Variants in ARHGAP31 observed in about 807,000 individuals in gnomAD.
ARHGAP31 encodes rho GTPase-activating protein 31.
In ARHGAP31, 34 loss-of-function variants were observed where a neutral mutation model predicts 113.9. That is an observed-to-expected ratio of 0.30 (90% confidence interval 0.23 to 0.40). ARHGAP31 has a LOEUF of 0.40. ARHGAP31 is among the 10% of genes least tolerant of loss of function. The probability of loss-of-function intolerance (pLI) is 1.00; values close to 1 mark genes in which losing one functional copy is unlikely to be tolerated. For synonymous variants in ARHGAP31, 650 were observed against 684.8 expected (o/e 0.95, Z 0.79); for missense variants, 1,548 against 1,767.1 (o/e 0.88, Z 2.22).
In ARHGAP31 at chr3:119,383,116, G is replaced by C; in HGVS notation, c.572G>C (p.Gly191Ala). 1 of 1,614,226 alleles carries C rather than the reference G, an allele frequency of 6.2e-7. No homozygotes were observed. Among genetic ancestry groups the C allele is most frequent in the Non-Finnish European group, 8.5e-7 (1 of 1,180,042 alleles). The part of the protein sequence containing the change: ...SKEIEATGCN[G>A]DAAFLAVRVQ... ...GAAATTGAAGCCACTGGTTGCAATG[G>C]AGATGCAGCCTTCCTTGCAGTCCGG... The change falls in exon 6 of 12, where the codon GGA becomes GCA. Residue 191 changes from glycine (G) to alanine (A), a missense_variant. Transcript: ENST00000264245.
chr3:119,330,877 T>C (rs1448152031), intron 1 of ARHGAP31, among the ~76,000 whole-genome samples: 1 of 152,212 alleles, frequency 6.6e-6, no homozygotes, highest in Admixed American at 6.5e-5. Context: ...GTGCGATATA[T>C]TTATAAAGTG....
chr3:119,414,660 C>G lies in ARHGAP31; in HGVS notation c.2731C>G (p.Pro911Ala). Residue 911 changes from proline to alanine, a missense_variant, in exon 12 of 12, where the codon CCC becomes GCC. Physicochemically the swap from Pro to Ala is conservative, Grantham distance 27. Coordinates refer to ENST00000264245, the MANE Select transcript of ARHGAP31 (RefSeq NM_020754.4). ...GGAGATGGTGGAGCCCTGGGAGGAACCCCAGTGGGTGACGAGTCCCCTTCA... is the reference window on the plus strand; with the variant it reads ...GGAGATGGTGGAGCCCTGGGAGGAAGCCCAGTGGGTGACGAGTCCCCTTCA... ...GLEMVEPWEEPQWVTSPLHSP... is the reference protein window; with the variant it reads ...GLEMVEPWEEAQWVTSPLHSP... 1 of 1,614,224 alleles carries G rather than the reference C, an allele frequency of 6.2e-7. No homozygotes were observed. The highest frequency in any genetic ancestry group is 8.5e-7 in the Non-Finnish European group (1 of 1,180,042).
chr3:119,356,226 C>T (rs921190110), intron 1 of ARHGAP31, among the ~76,000 whole-genome samples: 2 of 152,206 alleles, frequency 1.3e-5, no homozygotes, highest in Non-Finnish European at 2.9e-5. Context: ...CAGTTTCTTT[C>T]CTGTAGACAA....
intron 1 of ARHGAP31, among the ~76,000 whole-genome samples, chr3:119,323,462 T>C (rs2079811710): frequency 6.6e-6 from 1 of 152,106 alleles, no homozygotes; most frequent in Admixed American, 6.5e-5. Flanking sequence ...TTGGCTTTGC[T>C]TTGCGTTTCT....
rs567101775 is a variant in ARHGAP31 at position 119,417,797 on chromosome 3, T to C, written c.*1533T>C. 5 of 152,274 alleles carry C rather than the reference T, an allele frequency of 3.3e-5. No individual in the cohort carries two copies. In the East Asian group the frequency reaches 9.7e-4, roughly 29 times the overall value. The allele number at this position is 152,274 out of a possible 1,614,324, so 9.4% of individuals were successfully genotyped here. A position where few individuals can be genotyped will look rare whatever the true frequency, so the allele number is the denominator to read the frequency against. On this transcript the variant is annotated 3_prime_UTR_variant, in exon 12 of 12. Transcript: ENST00000264245. ...AACTAATATACCTGCTGGCAGATTTTTGGTGCTGCCCAAAAAAGGACTTCA... is the reference window on the plus strand; with the variant it reads ...AACTAATATACCTGCTGGCAGATTTCTGGTGCTGCCCAAAAAAGGACTTCA...
At chr3:119,398,542 A>G (rs59333081) in intron 8 of ARHGAP31, among the ~76,000 whole-genome samples, 26,849 of 152,150 alleles carry the variant, frequency 0.18, 2,673 homozygotes, top group African/African-American at 0.26. Context: ...CCTGGAATAA[A>G]TTTTTACTCA....
chr3:119,384,928 C>CT (rs113212997), intron 6 of ARHGAP31, among the ~76,000 whole-genome samples: 20,555 of 141,604 alleles, frequency 0.15, 1,676 homozygotes, highest in Admixed American at 0.22. Flanking sequence ...TCTTTGGTGA[C>CT]TTTTTTTTTT....
chr3:119,335,670 G>C (rs1046393564), intron 1 of ARHGAP31, among the ~76,000 whole-genome samples: 1 of 152,236 alleles, frequency 6.6e-6, no homozygotes, highest in African/African-American at 2.4e-5. Context: ...ACTCTGAGGA[G>C]GAGGGGCATT....
intron 1 of ARHGAP31, among the ~76,000 whole-genome samples, chr3:119,302,229 C>T (rs1175933906): frequency 2.6e-5 from 4 of 152,206 alleles, no homozygotes; most frequent in African/African-American, 9.6e-5. Context: ...AGGGTCACAG[C>T]CTGCTGGAAC....
At position 119,414,943 on chromosome 3, in the gene ARHGAP31, G is replaced by A. The variant is rs772085379; in HGVS notation, c.3014G>A (p.Arg1005Lys). The A allele has an allele frequency of 1.3e-5, 21 of 1,614,092 alleles. No homozygotes were observed. The highest frequency in any genetic ancestry group is 2.7e-5 in the African/African-American group (2 of 74,934). ...EITGWDEKAL[R>K]SFREFSGLKG... ...ACTGGATGGGATGAGAAAGCCCTGA[G>A]GTCCTTCAGAGAGTTCTCTGGCCTG... Residue 1005 changes from arginine to lysine, a missense_variant, in exon 12 of 12, where the codon AGG becomes AAG. Transcript: ENST00000264245.
chr3:119,351,501 T>C (rs2080110396), intron 1 of ARHGAP31, among the ~76,000 whole-genome samples: 2 of 152,164 alleles, frequency 1.3e-5, no homozygotes, highest in South Asian at 4.1e-4. Flanking sequence ...ATACAGAATG[T>C]TAGCTTCCCA....
rs1359517881 is a variant in ARHGAP31, at chr3:119,413,293, G to A, written c.1927-563G>A. Among the ~76,000 whole-genome samples, 4 of 143,310 alleles carry A rather than the reference G, an allele frequency of 2.8e-5. No homozygotes were observed. In the South Asian group the frequency reaches 6.7e-4, roughly 24 times the overall value. The allele number at this position is 143,310 out of a possible 152,430, so 94.0% of individuals were successfully genotyped here. A position where few individuals can be genotyped will look rare whatever the true frequency, so the allele number is the denominator to read the frequency against. On this transcript the variant is annotated intron_variant, in intron 11 of 11. Coordinates refer to ENST00000264245, the MANE Select transcript of ARHGAP31 (RefSeq NM_020754.4). ...GATCACACCATTGCACTCCAGCCTG[G>A]ATGATAACGCGAGACTCTGTCTCAA...
At chr3:119,380,429 AT>A in intron 3 of ARHGAP31, among the ~76,000 whole-genome samples, 1 of 144,876 alleles carries the variant, frequency 6.9e-6, no homozygotes, top group South Asian at 2.2e-4. Flanking sequence ...TCATTCATTC[AT>A]GTTTTAGAGA....
chr3:119,300,931 A>T (rs2079578640), intron 1 of ARHGAP31, among the ~76,000 whole-genome samples: 1 of 151,952 alleles, frequency 6.6e-6, no homozygotes, highest in Admixed American at 6.5e-5. Context: ...CTGGATGTGG[A>T]GCTTGTGGAG....
intron 1 of ARHGAP31, among the ~76,000 whole-genome samples, chr3:119,346,375 C>A (rs2080057126): frequency 6.6e-6 from 1 of 152,218 alleles, no homozygotes; most frequent in Non-Finnish European, 1.5e-5. Context: ...GGAGAGACAG[C>A]CTCTGGCAGC....
chr3:119,298,590 G>A (rs1368094194), intron 1 of ARHGAP31: 3 of 152,184 alleles, frequency 2.0e-5, no homozygotes, highest in African/African-American at 7.2e-5. Context: ...AATGGCTGAG[G>A]ATTTTCTTGC....
At chr3:119,368,224 C>A in intron 2 of ARHGAP31, 148 bp from the exon 3 acceptor site, 1 of 1,012,512 alleles carries the variant, frequency 9.9e-7, no homozygotes, top group Non-Finnish European at 1.5e-6. Flanking sequence ...CTTCCTAGGG[C>A]CTGGAGTAGA....
chr3:119,382,950 C>G (rs2080414694), intron 5 of ARHGAP31, 134 bp from the exon 6 acceptor site: 2 of 1,229,742 alleles, frequency 1.6e-6, no homozygotes, highest in Admixed American at 3.7e-5. Flanking sequence ...TTAATTGGCC[C>G]TAAATAATTA....
At chr3:119,316,394 G>T (rs1364743047) in intron 1 of ARHGAP31, among the ~76,000 whole-genome samples, 1 of 152,194 alleles carries the variant, frequency 6.6e-6, no homozygotes, top group African/African-American at 2.4e-5. Context: ...GGATAAACTT[G>T]ATACAGCCCA....
Sources: allele counts gnomAD v4.1 joint callset (sites outside exome capture counted in the v4.1 genomes callset), GRCh38; gene constraint gnomAD v4.1.1; transcripts MANE v1.5; gene names NCBI Gene and HGNC (gene_info 2026-07-23, HGNC 2026-07-21).